The following MAP3K3 variants were observed in gnomAD, a reference collection of about 807,000 sequenced individuals.
MAP3K3 encodes the protein mitogen-activated protein kinase kinase kinase 3.
In MAP3K3, 12 loss-of-function variants were observed where a neutral mutation model predicts 80.9. That is an observed-to-expected ratio of 0.15 (90% CI 0.10 to 0.24). The LOEUF (loss-of-function observed/expected upper bound fraction) is 0.24. MAP3K3 is among the 10% of genes least tolerant of loss of function. The pLI, the probability that MAP3K3 is intolerant of heterozygous loss-of-function variation, is 1.00. For synonymous variants in MAP3K3, 272 were observed against 307.1 expected, an observed-to-expected ratio of 0.89 and a Z score of 1.19; for missense variants, 596 against 834.7, an observed-to-expected ratio of 0.71 and a Z score of 3.52.
chr17:63,678,157 C>T (rs927607694), intron 6 of MAP3K3, among the ~76,000 whole-genome samples: 2 of 152,030 alleles, frequency 1.3e-5, no homozygotes, highest in Non-Finnish European at 1.5e-5. Flanking sequence ...GGCTTTGGGG[C>T]TTGGGTTTCC....
intron 6 of MAP3K3, among the ~76,000 whole-genome samples, chr17:63,672,340 G>A (rs1251533709): frequency 6.6e-6 from 1 of 151,564 alleles, no homozygotes; most frequent in Non-Finnish European, 1.5e-5. Flanking sequence ...TTGAGAGAGA[G>A]GGAGGTAAAT....
At chr17:63,671,630 G>A (rs1385322689) in intron 6 of MAP3K3, among the ~76,000 whole-genome samples, 1 of 152,136 alleles carries the variant, frequency 6.6e-6, no homozygotes, top group Non-Finnish European at 1.5e-5. Context: ...GTTTCCAGAG[G>A]TCAGGTGCCT....
intron 3 of MAP3K3, 43 bp downstream of exon 3, chr17:63,646,117 A>C (rs766476291): frequency 7.0e-6 from 11 of 1,570,448 alleles, no homozygotes; most frequent in Non-Finnish European, 9.6e-6. Context: ...ATGTATGCCA[A>C]AGTTCTCAGA....
chr17:63,636,130 C>T (rs1442779143), intron 2 of MAP3K3, among the ~76,000 whole-genome samples: 2 of 152,060 alleles, frequency 1.3e-5, no homozygotes, highest in Non-Finnish European at 2.9e-5. Context: ...GTTTGGGTGC[C>T]GAGGCCTGGA....
At chr17:63,662,034 C>A (rs529191725) in intron 5 of MAP3K3, among the ~76,000 whole-genome samples, 12 of 152,016 alleles carry the variant, frequency 7.9e-5, no homozygotes, top group African/African-American at 2.2e-4. Context: ...ACCCAGGAGG[C>A]GGAGCTTGCA....
intron 2 of MAP3K3, among the ~76,000 whole-genome samples, chr17:63,643,096 AAAAC>A (rs1461040194): frequency 6.6e-6 from 1 of 152,150 alleles, no homozygotes; most frequent in East Asian, 1.9e-4. Flanking sequence ...AAATTAAACA[AAAAC>A]AAAAACCTGA....
At chr17:63,627,869 C>T (rs1050297714) in intron 1 of MAP3K3, among the ~76,000 whole-genome samples, 1 of 151,914 alleles carries the variant, frequency 6.6e-6, no homozygotes, top group Non-Finnish European at 1.5e-5. Context: ...CAGGTGTGAG[C>T]CAATGCGCCC....
chr17:63,639,598 G>A (rs2034401186), intron 2 of MAP3K3, among the ~76,000 whole-genome samples: 2 of 152,252 alleles, frequency 1.3e-5, no homozygotes, highest in South Asian at 4.1e-4. Flanking sequence ...TTGGAAATGG[G>A]GAGCTGAAAT....
Position 63,693,747 on chromosome 17 carries a change from C to T in MAP3K3, c.1851C>T (p.Leu617=), listed in dbSNP as rs760173121. Residue 617 remains leucine, a synonymous_variant, in exon 16 of 16, where the codon CTC becomes CTT. Coordinates refer to ENST00000361733, the MANE Select transcript of MAP3K3 (RefSeq NM_002401.5). This position sits in a 1 kb window ranked among gnomAD's most constrained non-coding sequence, Gnocchi z 4.2. ...ARQRPSAEEL[L]THHFAQLMY ...AGAGACCTTCAGCTGAGGAGCTGCT[C>T]ACACACCACTTTGCACAGCTCATGT... The T allele has an allele frequency of 1.9e-6, 3 of 1,601,980 alleles. No individual in the cohort carries two copies. The highest frequency in any genetic ancestry group is 1.1e-5 in the South Asian group (1 of 90,158).
intron 5 of MAP3K3, among the ~76,000 whole-genome samples, chr17:63,666,498 A>G (rs185538171): frequency 6.6e-6 from 1 of 152,286 alleles, no homozygotes; most frequent in Admixed American, 6.5e-5. Flanking sequence ...AAATACATAT[A>G]TAGCAACCAG....
In MAP3K3 at chr17:63,689,817, AC is replaced by A; in HGVS notation, c.1063+85del. On this transcript the variant is annotated intron_variant, in intron 11 of 15. Transcript: ENST00000361733. This position sits in a 1 kb window ranked among gnomAD's most constrained non-coding sequence, Gnocchi z 4.3. ...GGGGGCAAACAGCTGGGCCCCTGGG[AC>A]CCTTAGGCTCAGCAGGTGGTGGCTT... 3 of 1,374,638 alleles carry A rather than the reference AC, an allele frequency of 2.2e-6. 1 individual carries two copies. Among genetic ancestry groups the A allele is most frequent in the Non-Finnish European group, 3.0e-6 (3 of 1,013,486 alleles). 85.2% of individuals were successfully genotyped at this position (1,374,638 alleles called of 1,614,324 possible). A position where few individuals can be genotyped will look rare whatever the true frequency, so the allele number is the denominator to read the frequency against.
At chr17:63,647,118 C>A (rs2034555850) in intron 3 of MAP3K3, among the ~76,000 whole-genome samples, 1 of 152,150 alleles carries the variant, frequency 6.6e-6, no homozygotes, top group African/African-American at 2.4e-5. Context: ...CCAGAGGAGA[C>A]CTGTGGCTAC....
At position 63,679,255 on chromosome 17, in the gene MAP3K3, T is replaced by C. The variant is rs536442079; in HGVS notation, c.503-2511T>C. On this transcript the variant is annotated intron_variant, in intron 6 of 15. Transcript: ENST00000361733. ...CAGAGCAAGCCTCCCCGCCATTCTT[T>C]TTTTCCATTAAGTATTTTTCTTCCT... 9.2e-5 allele frequency among the ~76,000 whole-genome samples: 14 copies of C among 152,230 alleles called. No homozygotes were observed. In the South Asian group the frequency reaches 2.9e-3, roughly 32 times the overall value.
Position 63,689,769 on chromosome 17 carries a change from C to T in MAP3K3, c.1063+34C>T, listed in dbSNP as rs1241305106. ...CTGTCCCTGGCTAGGAGGAGACTGC[C>T]CAGGTGGTCTCAGACAAGCTACGGG... is the stretch of plus-strand genomic sequence containing the variant. On this transcript the variant is annotated intron_variant, in intron 11 of 15. Coordinates refer to ENST00000361733, the MANE Select transcript of MAP3K3 (RefSeq NM_002401.5). The surrounding 1 kb of genome is among the most constrained non-coding windows in gnomAD (Gnocchi z 4.3). The T allele has an allele frequency of 6.3e-7, 1 of 1,576,166 alleles. No individual in the cohort carries two copies. The highest frequency in any genetic ancestry group is 1.1e-5 in the South Asian group (1 of 87,026).
At chr17:63,678,982 T>G (rs1360678292) in intron 6 of MAP3K3, among the ~76,000 whole-genome samples, 2 of 152,108 alleles carry the variant, frequency 1.3e-5, no homozygotes, top group Non-Finnish European at 2.9e-5. Context: ...TGAGCCAAGA[T>G]TGTACCACTG....
At chr17:63,671,114 A>T (rs1343409404) in intron 6 of MAP3K3, among the ~76,000 whole-genome samples, 1 of 152,086 alleles carries the variant, frequency 6.6e-6, no homozygotes, top group African/African-American at 2.4e-5. Context: ...TAGGCTGATG[A>T]AGTGGAGAGA....
chr17:63,662,650 ATT>A (rs1192833142), intron 5 of MAP3K3, among the ~76,000 whole-genome samples: 103 of 82,566 alleles, frequency 1.2e-3, no homozygotes, highest in African/African-American at 4.4e-3. Context: ...AGAAGAGGGA[ATT>A]TTTTTTTTTT....
chr17:63,638,489 A>C (rs975464346), intron 2 of MAP3K3, among the ~76,000 whole-genome samples: 2 of 152,106 alleles, frequency 1.3e-5, no homozygotes, highest in Non-Finnish European at 1.5e-5. Context: ...CCAGACTTTG[A>C]GAAGGTCATT....
At chr17:63,671,886 T>C (rs2143495073) in intron 6 of MAP3K3, among the ~76,000 whole-genome samples, 1 of 152,126 alleles carries the variant, frequency 6.6e-6, no homozygotes, top group South Asian at 2.1e-4. Flanking sequence ...AGTATTGGAT[T>C]GAATTTGCAG....
Sources: allele counts gnomAD v4.1 joint callset (sites outside exome capture counted in the v4.1 genomes callset), GRCh38; gene constraint gnomAD v4.1.1; non-coding constraint Gnocchi (gnomAD v3.1); transcripts MANE v1.5; gene names NCBI Gene and HGNC (gene_info 2026-07-23, HGNC 2026-07-21).